Variants in BDH1 observed in about 807,000 individuals in gnomAD.
The protein encoded by BDH1 is D-beta-hydroxybutyrate dehydrogenase, mitochondrial.
A neutral mutation model predicts 33.1 loss-of-function variants in BDH1; 30 were observed. The ratio of observed to expected loss-of-function variants is 0.91; its 90% CI spans 0.68 to 1.23. The LOEUF is 1.23. Ranked by LOEUF, BDH1 falls within the 50% of genes most tolerant of loss-of-function variation. The probability of loss-of-function intolerance (pLI) is 0.00; values close to 1 mark genes in which losing one functional copy is unlikely to be tolerated. For synonymous variants in BDH1, 190 were observed against 183.6 expected (o/e 1.03, Z -0.28); for missense variants, 443 against 464.4 (o/e 0.95, Z 0.42).
At position 197,516,178 on chromosome 3, in the gene BDH1, G is replaced by A. The variant is rs1375680325; in HGVS notation, c.410-1762C>T. On this transcript the variant is annotated intron_variant, in intron 6 of 7. Coordinates refer to ENST00000392379, the MANE Select transcript of BDH1 (RefSeq NM_203314.3). The surrounding 1 kb of genome is among the most constrained non-coding windows in gnomAD (Gnocchi z 4.2). ...TTCTTTCACCTGCCCCCAGATACAA[G>A]TGGCCCCCAATGTCCTGGCCTAATC... Among the ~76,000 whole-genome samples the A allele has an allele frequency of 6.6e-6, 1 of 152,146 alleles. No individual in the cohort carries two copies. Among genetic ancestry groups the A allele is most frequent in the Admixed American group, 6.5e-5 (1 of 15,278 alleles).
At position 197,509,787 on chromosome 3, in the gene BDH1, T is replaced by C. The variant is rs948959603; in HGVS notation, c.*2108A>G. 1 of 152,224 alleles carries C rather than the reference T, an allele frequency of 6.6e-6. No individual in the cohort carries two copies. The highest frequency in any genetic ancestry group is 2.4e-5 in the African/African-American group (1 of 41,458). The allele number at this position is 152,224 out of a possible 1,614,324, so 9.4% of individuals were successfully genotyped here. A position where few individuals can be genotyped will look rare whatever the true frequency, so the allele number is the denominator to read the frequency against. ...GCACACGTGCAACTCCAAGGCTCCA[T>C]CTATTTTCCTTTAATAAACTTCAGC... On this transcript the variant is annotated 3_prime_UTR_variant, in exon 8 of 8. Transcript: ENST00000392379.
intron 2 of BDH1, among the ~76,000 whole-genome samples, chr3:197,547,090 C>A (rs1464391889): frequency 1.3e-5 from 2 of 148,388 alleles, no homozygotes; most frequent in Non-Finnish European, 3.0e-5. Context: ...AAATAAGAGA[C>A]TCTTGTAATT....
chr3:197,518,532 C>T (rs369525620), intron 6 of BDH1, among the ~76,000 whole-genome samples: 2 of 40,382 alleles, frequency 5.0e-5, no homozygotes, highest in Non-Finnish European at 1.1e-4. Flanking sequence ...CAGGCCGACC[C>T]CCCCGATCAG....
intron 1 of BDH1, among the ~76,000 whole-genome samples, chr3:197,565,847 G>A (rs952979331): frequency 6.6e-6 from 1 of 152,182 alleles, no homozygotes; most frequent in Non-Finnish European, 1.5e-5. Flanking sequence ...TAACTTTGGA[G>A]ATTGGAACAT....
At chr3:197,532,606 G>C (rs1714771846) in intron 4 of BDH1, 84 bp from the exon 5 acceptor site, 3 of 968,668 alleles carry the variant, frequency 3.1e-6, no homozygotes, top group Non-Finnish European at 4.9e-6. Context: ...TGTGCAGTGA[G>C]AGTTAGTGCT....
intron 5 of BDH1, among the ~76,000 whole-genome samples, chr3:197,524,336 C>T (rs541465998): frequency 1.3e-5 from 2 of 152,184 alleles, no homozygotes; most frequent in East Asian, 1.9e-4. Flanking sequence ...ATCCCAGGCG[C>T]GGGCAAGGGT....
At chr3:197,555,263 A>AGGG (rs1716922312) in intron 1 of BDH1, 1 of 154,560 alleles carries the variant, frequency 6.5e-6, no homozygotes, top group Non-Finnish European at 1.4e-5. Context: ...GAGGAGGAGG[A>AGGG]GGAGGGACGC....
chr3:197,511,771 C>G lies in BDH1; in HGVS notation c.*124G>C. On this transcript the variant is annotated 3_prime_UTR_variant, in exon 8 of 8. Transcript: ENST00000392379. Reference sequence around the variant, plus strand: ...CATTCCCTCTAGTTAGTGTTAAAACCAGTTATGGGTCTTCCTGGCATGGTG... The same window carrying G: ...CATTCCCTCTAGTTAGTGTTAAAACGAGTTATGGGTCTTCCTGGCATGGTG... 1 of 971,338 alleles carries G rather than the reference C, an allele frequency of 1.0e-6. No individual in the cohort carries two copies. Among genetic ancestry groups the G allele is most frequent in the Non-Finnish European group, 1.5e-6 (1 of 664,646 alleles). The allele number at this position is 971,338 out of a possible 1,614,324, so 60.2% of individuals were successfully genotyped here. A position where few individuals can be genotyped will look rare whatever the true frequency, so the allele number is the denominator to read the frequency against.
intron 1 of BDH1, among the ~76,000 whole-genome samples, chr3:197,563,622 TATTAA>T (rs1362416495): frequency 2.0e-5 from 3 of 152,234 alleles, no homozygotes; most frequent in Admixed American, 1.3e-4. Flanking sequence ...TCTAAAGTTA[TATTAA>T]ATTAAGTAAT....
At chr3:197,519,556 C>G (rs1243914674) in intron 6 of BDH1, among the ~76,000 whole-genome samples, 1 of 151,668 alleles carries the variant, frequency 6.6e-6, no homozygotes, top group Non-Finnish European at 1.5e-5. Context: ...CCCAGCTCCT[C>G]GGGAGGCTGA....
intron 1 of BDH1, among the ~76,000 whole-genome samples, chr3:197,565,246 C>T (rs1470796944): frequency 6.6e-6 from 1 of 152,132 alleles, no homozygotes; most frequent in Non-Finnish European, 1.5e-5. Context: ...GTTACTAGGG[C>T]TTATTGTTTG....
intron 6 of BDH1, among the ~76,000 whole-genome samples, chr3:197,517,510 G>A (rs1348593332): frequency 9.1e-5 from 3 of 33,142 alleles, no homozygotes; most frequent in Non-Finnish European, 1.2e-4. Flanking sequence ...CCTTCAGGCC[G>A]ACCCCCCCAT....
In BDH1 at chr3:197,547,587, C is replaced by T. The variant is rs137924028; in HGVS notation, c.-43-1101G>A. ...GTTACCTTTCCAGAACTACAGTAAA[C>T]TCTCGCTTGTACTCCTGCCCCTATT... On this transcript the variant is annotated intron_variant, in intron 2 of 7. Transcript: ENST00000392379. Among the ~76,000 whole-genome samples the T allele has an allele frequency of 2.9e-3, 449 of 152,374 alleles. 1 individual carries two copies. The highest frequency in any genetic ancestry group is 0.01 in the African/African-American group (425 of 41,590).
At chr3:197,567,691 A>T (rs1717478245) in intron 1 of BDH1, among the ~76,000 whole-genome samples, 1 of 152,162 alleles carries the variant, frequency 6.6e-6, no homozygotes, top group South Asian at 2.1e-4. Context: ...GAATTAACTG[A>T]GAGACCTGTC....
Position 197,510,599 on chromosome 3 carries a change from G to GGTGGGTGTGTGT in BDH1, c.*1295_*1296insACACACACCCAC, listed in dbSNP as rs1711822475. The GGTGGGTGTGTGT allele has an allele frequency of 1.3e-5, 1 of 75,316 alleles. No homozygotes were observed. The highest frequency in any genetic ancestry group is 6.1e-5 in the African/African-American group (1 of 16,378). The allele number at this position is 75,316 out of a possible 1,614,324, so 4.7% of individuals were successfully genotyped here. A position where few individuals can be genotyped will look rare whatever the true frequency, so the allele number is the denominator to read the frequency against. On this transcript the variant is annotated 3_prime_UTR_variant, in exon 8 of 8. Transcript: ENST00000392379. ...CCACGCTGAAGCCCTGCAGAACAGG[G>GGTGGGTGTGTGT]GTGTGTGTGTGTGTGTGTGTGTGTG...
chr3:197,562,480 GT>G (rs1432574468), intron 1 of BDH1, among the ~76,000 whole-genome samples: 1 of 152,214 alleles, frequency 6.6e-6, no homozygotes, highest in Non-Finnish European at 1.5e-5. Flanking sequence ...TCGTGGGAGC[GT>G]CTGGGGAGTT....
At chr3:197,532,374 G>A in intron 5 of BDH1, 38 bp downstream of exon 5, 5 of 1,565,452 alleles carry the variant, frequency 3.2e-6, no homozygotes, top group Non-Finnish European at 4.4e-6. Flanking sequence ...ATGACTATGT[G>A]TAAAAGACAA....
At chr3:197,536,555 A>G (rs1007024461) in intron 3 of BDH1, among the ~76,000 whole-genome samples, 1 of 152,140 alleles carries the variant, frequency 6.6e-6, no homozygotes, top group Non-Finnish European at 1.5e-5. Flanking sequence ...TAAACCATAC[A>G]TGCGGCCGGG....
In BDH1 at chr3:197,525,079, A is replaced by G. The variant is rs1713960000; in HGVS notation, c.268-2298T>C. Among the ~76,000 whole-genome samples, 1 of 152,190 alleles carries G rather than the reference A, an allele frequency of 6.6e-6. No individual in the cohort carries two copies. The highest frequency in any genetic ancestry group is 1.9e-4 in the East Asian group (1 of 5,190). On this transcript the variant is annotated intron_variant, in intron 5 of 7. Transcript: ENST00000392379. The surrounding 1 kb of genome is among the most constrained non-coding windows in gnomAD (Gnocchi z 4.9). ...CGCAGGCATGAGATGCACGGGACAG[A>G]TGGGCCTGGAGCTCAGGCTGTCATT... is the stretch of plus-strand genomic sequence containing the variant.
Sources: gnomAD v4.1 joint callset for allele counts (sites outside exome capture counted in the v4.1 genomes callset) on GRCh38, gnomAD v4.1.1 for gene constraint, Gnocchi (gnomAD v3.1) non-coding constraint, MANE v1.5 for transcripts, NCBI Gene and HGNC (gene_info 2026-07-23, HGNC 2026-07-21) for gene names.